The following EXOC5 variants were observed in gnomAD, a reference collection of about 807,000 sequenced individuals.
EXOC5 encodes the protein SEC10-like 1.
EXOC5 carries 17 observed loss-of-function variants against 90.8 expected under a neutral mutation model. That is an observed-to-expected ratio of 0.19 (90% CI 0.13 to 0.28). The LOEUF (loss-of-function observed/expected upper bound fraction) is 0.28, where lower values mean the gene tolerates loss of function less well. Ranked by LOEUF, EXOC5 falls within the 10% of genes least tolerant of loss-of-function variation. The pLI is 1.00. For missense variants in EXOC5, 569 were observed against 830.6 expected (o/e 0.69, Z 3.87); for synonymous variants, 260 against 270.0 (o/e 0.96, Z 0.36).
At chr14:57,243,942 C>A (rs1387405293) in intron 4 of EXOC5, among the ~76,000 whole-genome samples, 1 of 152,066 alleles carries the variant, frequency 6.6e-6, no homozygotes, top group Middle Eastern at 3.2e-3. Context: ...CAAAAAATTT[C>A]ATTAAAAAAA....
At chr14:57,238,361 T>C (rs916576004) in intron 5 of EXOC5, among the ~76,000 whole-genome samples, 8 of 71,568 alleles carry the variant, frequency 1.1e-4, no homozygotes, top group Non-Finnish European at 1.7e-4. Flanking sequence ...TATATATATA[T>C]ATATATATAT....
At chr14:57,239,533 A>T in intron 5 of EXOC5, 62 bp downstream of exon 5, 1 of 931,770 alleles carries the variant, frequency 1.1e-6, no homozygotes, top group East Asian at 2.7e-5. Context: ...ACAGGAAAAG[A>T]TACTATTTTA....
intron 15 of EXOC5, among the ~76,000 whole-genome samples, chr14:57,212,459 T>A (rs756360050): frequency 6.6e-6 from 1 of 152,216 alleles, no homozygotes; most frequent in Non-Finnish European, 1.5e-5. Flanking sequence ...TTTAGCCTAT[T>A]ACAGCAAGCT....
intron 7 of EXOC5, 143 bp from the exon 8 acceptor site, chr14:57,234,175 T>C (rs1433533525): frequency 1.2e-5 from 7 of 604,022 alleles, no homozygotes; most frequent in South Asian, 4.7e-5. Flanking sequence ...TAAATAAAAT[T>C]AACTGCAGAA....
rs1882549726 is a variant in EXOC5, at chr14:57,203,006, A to G, written c.*5603T>C. The stretch of plus-strand genomic sequence containing the variant: ...ATGTGAATCCCCCATGTTATCCTCT[A>G]AATGGTACACAGTATTCACAAACAA... On this transcript the variant is annotated 3_prime_UTR_variant, in exon 18 of 18. Coordinates refer to ENST00000621441, the MANE Select transcript of EXOC5 (RefSeq NM_006544.4). 1 of 152,224 alleles carries G rather than the reference A, an allele frequency of 6.6e-6. No homozygotes were observed. Among genetic ancestry groups the G allele is most frequent in the Non-Finnish European group, 1.5e-5 (1 of 68,034 alleles). 9.4% of individuals were successfully genotyped at this position (152,224 alleles called of 1,614,324 possible).
chr14:57,204,111 CAT>C lies in EXOC5; in HGVS notation c.*4496_*4497del, dbSNP rs950070176. 6.6e-6 allele frequency: 1 copy of C among 152,168 alleles called. No individual in the cohort carries two copies. Among genetic ancestry groups the C allele is most frequent in the African/African-American group, 2.4e-5 (1 of 41,436 alleles). 9.4% of individuals were successfully genotyped at this position (152,168 alleles called of 1,614,324 possible). A position where few individuals can be genotyped will look rare whatever the true frequency, so the allele number is the denominator to read the frequency against. On this transcript the variant is annotated 3_prime_UTR_variant, in exon 18 of 18. Coordinates refer to ENST00000621441, the MANE Select transcript of EXOC5 (RefSeq NM_006544.4). The stretch of plus-strand genomic sequence containing the variant: ...AAATGGGCGAGTGTGTTTAATTACT[CAT>C]CTTTCCCCCCAAAAGTCGATAATCA...
Position 57,255,633 on chromosome 14 carries a change from G to C in EXOC5, c.28-7921C>G, listed in dbSNP as rs535327660. Among the ~76,000 whole-genome samples the C allele has an allele frequency of 2.0e-5, 3 of 152,228 alleles. No individual in the cohort carries two copies. The East Asian group carries it at 5.8e-4, about 29-fold the overall frequency. Reference sequence around the variant, plus strand: ...CTCAGGCCGGAGCTCAGGAGTTCGAGACCAGCCTGGGCAATACAGTGAAAC... The same window carrying C: ...CTCAGGCCGGAGCTCAGGAGTTCGACACCAGCCTGGGCAATACAGTGAAAC... On this transcript the variant is annotated intron_variant, in intron 1 of 17. Coordinates refer to ENST00000621441, the MANE Select transcript of EXOC5 (RefSeq NM_006544.4).
chr14:57,244,079 T>C (rs1389880814), intron 4 of EXOC5, 86 bp downstream of exon 4: 3 of 863,062 alleles, frequency 3.5e-6, no homozygotes, highest in African/African-American at 3.4e-5. Context: ...ATTTGAAGTC[T>C]AACTCTGGAA....
At chr14:57,242,209 G>T (rs545785126) in intron 4 of EXOC5, among the ~76,000 whole-genome samples, 4 of 151,820 alleles carry the variant, frequency 2.6e-5, no homozygotes, top group African/African-American at 9.7e-5. Flanking sequence ...CACATAATAG[G>T]GTTTTTTTTG....
chr14:57,219,492 T>C (rs1444568023), intron 13 of EXOC5, 50 bp from the exon 14 acceptor site: 6 of 1,441,870 alleles, frequency 4.2e-6, no homozygotes, highest in East Asian at 5.0e-5. Flanking sequence ...AAGAAATTCA[T>C]CTTGGCAACA....
intron 4 of EXOC5, among the ~76,000 whole-genome samples, chr14:57,241,864 T>A (rs1883869426): frequency 6.6e-6 from 1 of 152,074 alleles, no homozygotes; most frequent in Admixed American, 6.5e-5. Flanking sequence ...CCAGGTGCGG[T>A]GGCTCATGCC....
At chr14:57,265,380 G>A (rs1371077607) in intron 1 of EXOC5, among the ~76,000 whole-genome samples, 1 of 152,106 alleles carries the variant, frequency 6.6e-6, no homozygotes, top group Admixed American at 6.6e-5. Flanking sequence ...AATGAGGAAA[G>A]AATGTCCTCA....
At chr14:57,234,078 A>T (rs754829653) in intron 7 of EXOC5, 46 bp from the exon 8 acceptor site, 7 of 1,383,206 alleles carry the variant, frequency 5.1e-6, no homozygotes, top group Non-Finnish European at 7.1e-6. Flanking sequence ...CAATTATAAT[A>T]ATTATTATTT....
At chr14:57,251,892 T>C (rs918672522) in intron 1 of EXOC5, among the ~76,000 whole-genome samples, 5 of 152,172 alleles carry the variant, frequency 3.3e-5, no homozygotes, top group Admixed American at 3.3e-4. Flanking sequence ...ACCAATTTTA[T>C]AGAAACAAAA....
intron 12 of EXOC5, among the ~76,000 whole-genome samples, chr14:57,229,520 GGTAAT>G (rs965173539): frequency 6.6e-6 from 1 of 152,046 alleles, no homozygotes; most frequent in African/African-American, 2.4e-5. Context: ...CGTTGCACTA[GGTAAT>G]GTAATAATAT....
chr14:57,267,391 T>C (rs1298926246), intron 1 of EXOC5, among the ~76,000 whole-genome samples: 1 of 152,202 alleles, frequency 6.6e-6, no homozygotes, highest in East Asian at 1.9e-4. Context: ...AGCTGACTGA[T>C]ATGCAAAATA....
rs114917670 is a variant in EXOC5 at position 57,221,114 on chromosome 14, G to C, written c.1405+1194C>G. Among the ~76,000 whole-genome samples, 869 of 152,288 alleles carry C rather than the reference G, an allele frequency of 5.7e-3. 11 individuals carry two copies. The highest frequency in any genetic ancestry group is 0.02 in the African/African-American group (828 of 41,568). On this transcript the variant is annotated intron_variant, in intron 13 of 17. Coordinates refer to ENST00000621441, the MANE Select transcript of EXOC5 (RefSeq NM_006544.4). ...TGGGAGAAGAGGGCTACTTTAGCTA[G>C]GGTGATGATCAGCAATGCCTCTCTG... is the stretch of plus-strand genomic sequence containing the variant.
chr14:57,232,624 A>T lies in EXOC5; in HGVS notation c.938+43T>A, dbSNP rs572416198. ...TTCCTTGTTTTTATCAAAAAAATTTAAAAAATCTGTTATCTATTATTTTCT... is the reference window on the plus strand; with the variant it reads ...TTCCTTGTTTTTATCAAAAAAATTTTAAAAATCTGTTATCTATTATTTTCT... On this transcript the variant is annotated intron_variant, in intron 10 of 17. Coordinates refer to ENST00000621441, the MANE Select transcript of EXOC5 (RefSeq NM_006544.4). 174 of 865,266 alleles carry T rather than the reference A, an allele frequency of 2.0e-4. 1 individual carries two copies. The South Asian group carries it at 2.1e-3, about 10-fold the overall frequency. 53.6% of individuals were successfully genotyped at this position (865,266 alleles called of 1,614,324 possible).
At chr14:57,230,964 C>A (rs556578207) in intron 11 of EXOC5, among the ~76,000 whole-genome samples, 20 of 148,190 alleles carry the variant, frequency 1.3e-4, no homozygotes, top group Non-Finnish European at 3.0e-4. Flanking sequence ...GTGTTCTGCT[C>A]GATAGTTTTA....
Sources: allele counts gnomAD v4.1 joint callset (sites outside exome capture counted in the v4.1 genomes callset), GRCh38; gene constraint gnomAD v4.1.1; transcripts MANE v1.5; gene names NCBI Gene and HGNC (gene_info 2026-07-23, HGNC 2026-07-21).